KCND3: variants seen among roughly 807,000 people sequenced by gnomAD.
KCND3 encodes A-type voltage-gated potassium channel KCND3.
Under a neutral mutation model 51.1 loss-of-function variants are expected in KCND3, and 9 were observed. That is an observed-to-expected ratio of 0.18 (90% CI 0.11 to 0.31). The LOEUF (loss-of-function observed/expected upper bound fraction) is 0.31, where lower values mean the gene tolerates loss of function less well. KCND3 is among the 10% of genes least tolerant of loss of function. The probability of loss-of-function intolerance (pLI) is 1.00; values close to 1 mark genes in which losing one functional copy is unlikely to be tolerated. For synonymous variants in KCND3, 349 were observed against 368.0 expected (o/e 0.95, Z 0.59); for missense variants, 526 against 903.8 (o/e 0.58, Z 5.36).
At chr1:111,822,816 TA>T (rs1405436640) in intron 2 of KCND3, among the ~76,000 whole-genome samples, 1 of 152,182 alleles carries the variant, frequency 6.6e-6, no homozygotes. Flanking sequence ...CAGAAATAGA[TA>T]GGGCTACAGG....
intron 2 of KCND3, among the ~76,000 whole-genome samples, chr1:111,892,439 G>A (rs1669875887): frequency 6.6e-6 from 1 of 152,210 alleles, no homozygotes; most frequent in African/African-American, 2.4e-5. Flanking sequence ...GGGCTCTGGT[G>A]CCCATAGCAA....
chr1:111,919,381 A>C (rs1456909536), intron 2 of KCND3, among the ~76,000 whole-genome samples: 1 of 151,980 alleles, frequency 6.6e-6, no homozygotes, highest in African/African-American at 2.4e-5. Flanking sequence ...AGGCCTCTCC[A>C]AGGGTGTGAC....
chr1:111,820,023 G>A (rs2365669), intron 2 of KCND3, among the ~76,000 whole-genome samples: 74,285 of 152,090 alleles, frequency 0.49, 21,542 homozygotes, highest in Non-Finnish European at 0.63. Context: ...GCTTAATTGC[G>A]TCACTCCTTC....
chr1:111,932,661 C>T (rs1446863373), intron 2 of KCND3, among the ~76,000 whole-genome samples: 1 of 152,224 alleles, frequency 6.6e-6, no homozygotes, highest in Non-Finnish European at 1.5e-5. Flanking sequence ...TCACCCAGCA[C>T]TGTCCTCAAA....
At chr1:111,892,187 G>A (rs818110) in intron 2 of KCND3, among the ~76,000 whole-genome samples, 2,531 of 152,258 alleles carry the variant, frequency 0.017, 80 homozygotes, top group African/African-American at 0.058. Flanking sequence ...GTTTCAGGTG[G>A]CAGAGCAACA....
At chr1:111,874,029 G>C (rs1302772841) in intron 2 of KCND3, among the ~76,000 whole-genome samples, 1 of 152,094 alleles carries the variant, frequency 6.6e-6, no homozygotes, top group Non-Finnish European at 1.5e-5. Flanking sequence ...ATCCTGTGAG[G>C]TTTTACCCAT....
chr1:111,896,968 T>C (rs926458795), intron 2 of KCND3, among the ~76,000 whole-genome samples: 2 of 152,218 alleles, frequency 1.3e-5, no homozygotes, highest in African/African-American at 4.8e-5. Flanking sequence ...GTCACTATTA[T>C]TATGACCACC....
At chr1:111,980,647 C>G (rs914689581) in intron 2 of KCND3, among the ~76,000 whole-genome samples, 5 of 152,178 alleles carry the variant, frequency 3.3e-5, no homozygotes, top group Admixed American at 1.3e-4. Context: ...GCATTAGGCT[C>G]CATGGTTTCT....
intron 2 of KCND3, among the ~76,000 whole-genome samples, chr1:111,830,337 C>T (rs1666779239): frequency 6.6e-6 from 1 of 152,206 alleles, no homozygotes; most frequent in African/African-American, 2.4e-5. Context: ...CAGATCTGGG[C>T]CCAGTGCGGT....
At chr1:111,852,423 G>A (rs546335579) in intron 2 of KCND3, among the ~76,000 whole-genome samples, 1 of 152,202 alleles carries the variant, frequency 6.6e-6, no homozygotes, top group African/African-American at 2.4e-5. Flanking sequence ...TGTGCATGCT[G>A]GCAACAGGCG....
chr1:111,807,567 T>C (rs1665631772), intron 2 of KCND3, among the ~76,000 whole-genome samples: 1 of 152,164 alleles, frequency 6.6e-6, no homozygotes, highest in Non-Finnish European at 1.5e-5. Flanking sequence ...TCCCAGCTAC[T>C]TGGGAGCCTG....
chr1:111,818,370 TCA>T (rs10615791), intron 2 of KCND3, among the ~76,000 whole-genome samples: 84,568 of 151,874 alleles, frequency 0.56, 25,665 homozygotes, highest in Non-Finnish European at 0.67. Flanking sequence ...GTGACTAACA[TCA>T]CACGTCAGAG....
chr1:111,980,203 A>ACT (rs1674867556), intron 2 of KCND3, among the ~76,000 whole-genome samples: 1 of 142,956 alleles, frequency 7.0e-6, no homozygotes. Flanking sequence ...CCATTTGAAG[A>ACT]GTGTGTGTGT....
intron 2 of KCND3, among the ~76,000 whole-genome samples, chr1:111,914,328 A>G (rs1671095697): frequency 6.6e-6 from 1 of 151,850 alleles, no homozygotes; most frequent in African/African-American, 2.4e-5. Flanking sequence ...CAAGTCATCT[A>G]ACATATATGT....
intron 2 of KCND3, among the ~76,000 whole-genome samples, chr1:111,867,689 G>T (rs1011655167): frequency 6.6e-6 from 1 of 152,206 alleles, no homozygotes; most frequent in Non-Finnish European, 1.5e-5. Flanking sequence ...GCACATCTAA[G>T]AGGGAGAAGC....
At chr1:111,842,611 G>A (rs1571725675) in intron 2 of KCND3, among the ~76,000 whole-genome samples, 1 of 152,244 alleles carries the variant, frequency 6.6e-6, no homozygotes, top group African/African-American at 2.4e-5. Context: ...TGACCAACGG[G>A]AGCTCCACGG....
At chr1:111,978,643 G>C (rs543059552) in intron 2 of KCND3, among the ~76,000 whole-genome samples, 10 of 152,204 alleles carry the variant, frequency 6.6e-5, no homozygotes, top group Non-Finnish European at 1.5e-4. Flanking sequence ...CCAGGGAATA[G>C]ATCATACACC....
At chr1:111,891,052 C>T (rs72692584) in intron 2 of KCND3, among the ~76,000 whole-genome samples, 1 of 152,104 alleles carries the variant, frequency 6.6e-6, no homozygotes, top group Admixed American at 6.5e-5. Flanking sequence ...TGGGCACCAG[C>T]CTGCCAGGGG....
At chr1:111,904,883 C>A (rs948086395) in intron 2 of KCND3, among the ~76,000 whole-genome samples, 1 of 152,190 alleles carries the variant, frequency 6.6e-6, no homozygotes, top group African/African-American at 2.4e-5. Context: ...TGGGCCACCA[C>A]CCTCGGGGGC....
Sources: gnomAD v4.1 joint callset for allele counts (sites outside exome capture counted in the v4.1 genomes callset) on GRCh38, gnomAD v4.1.1 for gene constraint, MANE v1.5 for transcripts, NCBI Gene and HGNC (gene_info 2026-07-23, HGNC 2026-07-21) for gene names.